The following RGS17 variants were observed in gnomAD, a reference collection of about 807,000 sequenced individuals.
RGS17 encodes regulator of G-protein signaling 17.
A neutral mutation model predicts 25.5 loss-of-function variants in RGS17; 12 were observed. The ratio of observed to expected loss-of-function variants is 0.47; its 90% CI spans 0.30 to 0.76. The LOEUF is 0.76. Ranked by LOEUF, RGS17 falls within the 30% of genes least tolerant of loss-of-function variation. The pLI is 0.07. For missense variants in RGS17, 196 were observed against 242.2 expected (o/e 0.81, Z 1.27); for synonymous variants, 71 against 76.9 (o/e 0.92, Z 0.40).
chr6:153,127,623 C>T (rs901959992), intron 1 of RGS17, among the ~76,000 whole-genome samples: 1 of 152,180 alleles, frequency 6.6e-6, no homozygotes, highest in Non-Finnish European at 1.5e-5. Context: ...ACATCCATAT[C>T]TGCCTATAGG....
intron 1 of RGS17, among the ~76,000 whole-genome samples, chr6:153,056,615 A>G (rs889182572): frequency 6.6e-6 from 1 of 152,140 alleles, no homozygotes; most frequent in African/African-American, 2.4e-5. Context: ...TTAGACAGAA[A>G]ATCTCTCTTG....
In RGS17 at chr6:153,054,005, T is replaced by C. The variant is rs1479947231; in HGVS notation, c.-25-9962A>G. Among the ~76,000 whole-genome samples the C allele has an allele frequency of 3.1e-4, 14 of 45,626 alleles. 1 individual carries two copies. The highest frequency in any genetic ancestry group is 4.2e-5 in the Non-Finnish European group (1 of 23,718). 29.9% of individuals were successfully genotyped at this position (45,626 alleles called of 152,430 possible). A position where few individuals can be genotyped will look rare whatever the true frequency, so the allele number is the denominator to read the frequency against. The stretch of plus-strand genomic sequence containing the variant: ...TATATGTATATAATATATATACATA[T>C]ATACGTATATATGTATATAATATAT... On this transcript the variant is annotated intron_variant, in intron 1 of 4. Coordinates refer to ENST00000206262, the MANE Select transcript of RGS17 (RefSeq NM_012419.5).
chr6:153,087,477 T>C (rs532158240), intron 1 of RGS17, among the ~76,000 whole-genome samples: 16 of 152,338 alleles, frequency 1.1e-4, no homozygotes, highest in Middle Eastern at 6.8e-3. Context: ...AAACACATGC[T>C]GCTATCCCAA....
intron 1 of RGS17, among the ~76,000 whole-genome samples, chr6:153,083,354 A>G (rs1349634641): frequency 1.3e-5 from 2 of 152,226 alleles, no homozygotes; most frequent in Non-Finnish European, 2.9e-5. Context: ...AAATAGTTAC[A>G]GTTGTCATAA....
chr6:153,055,489 A>G (rs1440111544), intron 1 of RGS17, among the ~76,000 whole-genome samples: 1 of 152,134 alleles, frequency 6.6e-6, no homozygotes, highest in Admixed American at 6.5e-5. Context: ...CACATGGTGG[A>G]GAAGAACAAG....
At chr6:153,126,262 C>G (rs73627268) in intron 1 of RGS17, among the ~76,000 whole-genome samples, 3,724 of 152,264 alleles carry the variant, frequency 0.024, 154 homozygotes, top group African/African-American at 0.083. Flanking sequence ...TGGCAACTGG[C>G]AGAAACAATC....
intron 4 of RGS17, among the ~76,000 whole-genome samples, chr6:153,012,505 T>A (rs757750005): frequency 5.3e-5 from 8 of 152,184 alleles, no homozygotes; most frequent in African/African-American, 1.9e-4. Flanking sequence ...TGATTTAGGA[T>A]CTTCCCCCTT....
chr6:153,028,618 C>A (rs1286605040), intron 2 of RGS17, among the ~76,000 whole-genome samples: 3 of 152,070 alleles, frequency 2.0e-5, no homozygotes, highest in South Asian at 2.1e-4. Flanking sequence ...GGATACACTG[C>A]TGACAATATT....
intron 1 of RGS17, among the ~76,000 whole-genome samples, chr6:153,110,810 C>T (rs1042767988): frequency 3.3e-5 from 5 of 152,302 alleles, no homozygotes; most frequent in Non-Finnish European, 7.3e-5. Flanking sequence ...GATAGGGCAT[C>T]GTCTCACCAG....
intron 1 of RGS17, among the ~76,000 whole-genome samples, chr6:153,065,535 T>A (rs1400555122): frequency 1.3e-5 from 2 of 152,202 alleles, no homozygotes; most frequent in African/African-American, 2.4e-5. Context: ...TGTTAGGTCA[T>A]AAAACAAGTC....
rs1469915411 is a variant in RGS17 at position 153,044,050 on chromosome 6, G to C, written c.-25-7C>G. On this transcript the variant is annotated splice_region_variant and splice_polypyrimidine_tract_variant and intron_variant, in intron 1 of 4. Transcript: ENST00000206262. ...TACTTCAGGACCCAGTTGGCTGAAA[G>C]AGATAAAACAAAAAATTGGGTATGA... 3 of 1,395,680 alleles carry C rather than the reference G, an allele frequency of 2.1e-6. No individual in the cohort carries two copies. The highest frequency in any genetic ancestry group is 3.4e-5 in the Admixed American group (2 of 58,174). 86.5% of individuals were successfully genotyped at this position (1,395,680 alleles called of 1,614,324 possible). A position where few individuals can be genotyped will look rare whatever the true frequency, so the allele number is the denominator to read the frequency against.
chr6:153,122,104 T>C (rs1389359109), intron 1 of RGS17, among the ~76,000 whole-genome samples: 1 of 152,208 alleles, frequency 6.6e-6, no homozygotes, highest in African/African-American at 2.4e-5. Flanking sequence ...TCTTGTTTTC[T>C]GAGCCCAGCC....
At chr6:153,129,630 C>T (rs1405908462) in intron 1 of RGS17, among the ~76,000 whole-genome samples, 1 of 152,178 alleles carries the variant, frequency 6.6e-6, no homozygotes, top group Admixed American at 6.5e-5. Flanking sequence ...CACCCAGCCT[C>T]AGAACTGCTT....
At position 153,024,543 on chromosome 6, in the gene RGS17, G is replaced by C. The variant is rs762314622; in HGVS notation, c.210-47C>G. On this transcript the variant is annotated intron_variant, in intron 3 of 4. Transcript: ENST00000206262. ...GTGATCAAAGGGAACTTTGTGACCA[G>C]TGAATGCTAGACCAGGTAAGGAGAG... The C allele has an allele frequency of 3.7e-6, 5 of 1,336,318 alleles. No homozygotes were observed. The South Asian group carries it at 4.7e-5, about 13-fold the overall frequency. 82.8% of individuals were successfully genotyped at this position (1,336,318 alleles called of 1,614,324 possible). A position where few individuals can be genotyped will look rare whatever the true frequency, so the allele number is the denominator to read the frequency against.
intron 1 of RGS17, among the ~76,000 whole-genome samples, chr6:153,113,614 C>T (rs1777505268): frequency 6.6e-6 from 1 of 152,200 alleles, no homozygotes; most frequent in Non-Finnish European, 1.5e-5. Context: ...CACCCCAAAT[C>T]AACAGAATAT....
intron 1 of RGS17, among the ~76,000 whole-genome samples, chr6:153,108,130 G>A (rs1465249477): frequency 2.0e-5 from 3 of 152,060 alleles, no homozygotes; most frequent in Non-Finnish European, 4.4e-5. Context: ...TGTTATTTGA[G>A]GCTGCTTCTG....
chr6:153,053,878 C>G, intron 1 of RGS17, among the ~76,000 whole-genome samples: 1 of 142,088 alleles, frequency 7.0e-6, no homozygotes, highest in Admixed American at 7.3e-5. Flanking sequence ...TTATACTTAT[C>G]TATATTTTCT....
chr6:153,037,278 C>T (rs1776260769), intron 2 of RGS17, among the ~76,000 whole-genome samples: 1 of 151,720 alleles, frequency 6.6e-6, no homozygotes, highest in Non-Finnish European at 1.5e-5. Flanking sequence ...GGAGAATGTG[C>T]CTGTAATTTT....
chr6:153,033,742 A>C (rs1018745213), intron 2 of RGS17, among the ~76,000 whole-genome samples: 1 of 151,920 alleles, frequency 6.6e-6, no homozygotes. Context: ...AATAAATAAA[A>C]ATAAAATAAA....
Sources: gnomAD v4.1 joint callset for allele counts (sites outside exome capture counted in the v4.1 genomes callset) on GRCh38, gnomAD v4.1.1 for gene constraint, MANE v1.5 for transcripts, NCBI Gene and HGNC (gene_info 2026-07-23, HGNC 2026-07-21) for gene names.